Variants in WDR70 observed in about 807,000 individuals in gnomAD.
WDR70 encodes WD repeat-containing protein 70.
A neutral mutation model predicts 88.6 loss-of-function variants in WDR70; 53 were observed. That is an observed-to-expected ratio of 0.60 (90% CI 0.48 to 0.75). WDR70 has a LOEUF of 0.75. Among genes scored for constraint, WDR70 ranks in the 30% least tolerant of loss-of-function variants. WDR70 has a pLI of 0.00. For synonymous variants in WDR70, 280 were observed against 270.0 expected (o/e 1.04, Z -0.36); for missense variants, 610 against 823.2 (o/e 0.74, Z 3.17).
At chr5:37,432,631 T>C (rs911513502) in intron 5 of WDR70, among the ~76,000 whole-genome samples, 3 of 151,898 alleles carry the variant, frequency 2.0e-5, no homozygotes, top group South Asian at 2.1e-4. Flanking sequence ...CTCCTGACCT[T>C]GTGATCCGCC....
rs1297164360 is a variant in WDR70, at chr5:37,587,805, A to T, written c.918-17259A>T. Among the ~76,000 whole-genome samples the T allele has an allele frequency of 5.8e-5, 8 of 138,126 alleles. No individual in the cohort carries two copies. In the East Asian group the frequency reaches 1.7e-3, roughly 29 times the overall value. The allele number at this position is 138,126 out of a possible 152,430, so 90.6% of individuals were successfully genotyped here. ...TTTTTTTTTTTTTTTTTTGAGACAGAGTCTCACTCTATCGCCCAGGCTGGA... is the reference window on the plus strand; with the variant it reads ...TTTTTTTTTTTTTTTTTTGAGACAGTGTCTCACTCTATCGCCCAGGCTGGA... On this transcript the variant is annotated intron_variant, in intron 9 of 17. Transcript: ENST00000265107.
chr5:37,537,422 G>A (rs915841837), intron 9 of WDR70, among the ~76,000 whole-genome samples: 1 of 152,102 alleles, frequency 6.6e-6, no homozygotes, highest in African/African-American at 2.4e-5. Flanking sequence ...GTACTTGCAA[G>A]TCTTTCTCAG....
At chr5:37,677,672 G>T (rs1746276525) in intron 10 of WDR70, among the ~76,000 whole-genome samples, 1 of 136,944 alleles carries the variant, frequency 7.3e-6, no homozygotes, top group Admixed American at 8.1e-5. Context: ...GTCAATTTTG[G>T]AATAGGTGTG....
chr5:37,493,048 A>G (rs530422000), intron 8 of WDR70, among the ~76,000 whole-genome samples: 2 of 152,346 alleles, frequency 1.3e-5, no homozygotes, highest in Admixed American at 1.3e-4. Flanking sequence ...AAGTTAAACA[A>G]CAGCTATAGA....
intron 10 of WDR70, among the ~76,000 whole-genome samples, chr5:37,608,988 T>A (rs913630565): frequency 3.3e-5 from 5 of 152,342 alleles, no homozygotes; most frequent in African/African-American, 1.2e-4. Context: ...TCAGTAACTA[T>A]TTGTTGAATG....
At position 37,489,772 on chromosome 5, in the gene WDR70, CAG is replaced by C. The variant is rs201016225; in HGVS notation, c.840+9786_840+9787del. The stretch of plus-strand genomic sequence containing the variant: ...GTCTAGGGTGGTGTGGTAGGGCACT[CAG>C]GGGGTGACAGTGTCAGGCATTTTTT... On this transcript the variant is annotated intron_variant, in intron 8 of 17. Coordinates refer to ENST00000265107, the MANE Select transcript of WDR70 (RefSeq NM_018034.4). Among the ~76,000 whole-genome samples, 69 of 149,010 alleles carry C rather than the reference CAG, an allele frequency of 4.6e-4. 1 individual carries two copies. Among genetic ancestry groups the C allele is most frequent in the Admixed American group, 1.3e-3 (20 of 14,986 alleles).
At chr5:37,436,787 T>C (rs1750478745) in intron 5 of WDR70, among the ~76,000 whole-genome samples, 1 of 152,124 alleles carries the variant, frequency 6.6e-6, no homozygotes, top group Non-Finnish European at 1.5e-5. Flanking sequence ...GTTTTTTTAC[T>C]ATGGTAAGTA....
At chr5:37,503,031 C>T (rs898978647) in intron 8 of WDR70, among the ~76,000 whole-genome samples, 3 of 152,132 alleles carry the variant, frequency 2.0e-5, no homozygotes, top group Admixed American at 6.6e-5. Context: ...TCCTTCATCC[C>T]TTGGATGAAA....
chr5:37,498,271 T>A (rs1395376326), intron 8 of WDR70, among the ~76,000 whole-genome samples: 2 of 152,224 alleles, frequency 1.3e-5, no homozygotes, highest in African/African-American at 4.8e-5. Context: ...CTGATTACAG[T>A]CACTTCCTTG....
intron 5 of WDR70, among the ~76,000 whole-genome samples, chr5:37,423,378 G>A (rs1452003987): frequency 1.3e-5 from 2 of 148,594 alleles, no homozygotes; most frequent in African/African-American, 2.5e-5. Context: ...AAAAAAAGAA[G>A]AAAAGGAAAA....
intron 9 of WDR70, among the ~76,000 whole-genome samples, chr5:37,566,857 TGTATA>T (rs1742755306): frequency 6.6e-6 from 1 of 152,230 alleles, no homozygotes; most frequent in African/African-American, 2.4e-5. Flanking sequence ...GGAGATATGC[TGTATA>T]GTTCACCAGG....
intron 8 of WDR70, among the ~76,000 whole-genome samples, chr5:37,487,859 C>T (rs1052153523): frequency 2.6e-5 from 4 of 151,602 alleles, no homozygotes; most frequent in African/African-American, 9.7e-5. Flanking sequence ...CTCCTGACCT[C>T]GTGATCTGCC....
chr5:37,505,860 G>C, intron 8 of WDR70: 1 of 1,366,520 alleles, frequency 7.3e-7, no homozygotes, highest in Non-Finnish European at 1.0e-6. Flanking sequence ...CTTCAACTTT[G>C]CATTTTTTAA....
At chr5:37,480,059 G>A in intron 8 of WDR70, 72 bp downstream of exon 8, 2 of 1,520,770 alleles carry the variant, frequency 1.3e-6, no homozygotes, top group Admixed American at 4.2e-5. Context: ...GAGTTATCAT[G>A]TAATAATTTT....
intron 9 of WDR70, among the ~76,000 whole-genome samples, chr5:37,570,459 A>G (rs973340561): frequency 2.0e-5 from 3 of 152,140 alleles, no homozygotes; most frequent in Non-Finnish European, 2.9e-5. Context: ...TTTGAGAGTC[A>G]TAAGTATTTG....
At chr5:37,454,083 A>T (rs1262419016) in intron 7 of WDR70, among the ~76,000 whole-genome samples, 3 of 151,736 alleles carry the variant, frequency 2.0e-5, no homozygotes, top group Admixed American at 1.3e-4. Context: ...AGTGTTTCAT[A>T]TTTTTTTTTC....
chr5:37,682,646 ACTT>A (rs907804230), intron 10 of WDR70, among the ~76,000 whole-genome samples: 21 of 152,000 alleles, frequency 1.4e-4, no homozygotes, highest in African/African-American at 4.6e-4. Flanking sequence ...GTTTCAAAGA[ACTT>A]CTTGATTTCT....
chr5:37,627,122 T>C (rs927296508), intron 10 of WDR70, among the ~76,000 whole-genome samples: 4 of 152,172 alleles, frequency 2.6e-5, no homozygotes, highest in African/African-American at 9.7e-5. Flanking sequence ...AGGGTCTCAC[T>C]CTGTTGCCCA....
At chr5:37,685,391 C>T (rs1364039639) in intron 10 of WDR70, among the ~76,000 whole-genome samples, 1 of 152,018 alleles carries the variant, frequency 6.6e-6, no homozygotes, top group African/African-American at 2.4e-5. Context: ...CAGGGGGCTG[C>T]CCCACTGGAG....
Sources: allele counts gnomAD v4.1 joint callset (sites outside exome capture counted in the v4.1 genomes callset), GRCh38; gene constraint gnomAD v4.1.1; transcripts MANE v1.5; gene names NCBI Gene and HGNC (gene_info 2026-07-23, HGNC 2026-07-21).